The following SLC39A11 variants were observed in gnomAD, a reference collection of about 807,000 sequenced individuals.
SLC39A11 encodes solute carrier family 39 member 11.
In SLC39A11, 33 loss-of-function variants were observed where a neutral mutation model predicts 36.1. The observed-to-expected ratio is 0.91, with a 90% CI of 0.69 to 1.22. The LOEUF is 1.22. SLC39A11 is among the 50% of genes most tolerant of loss of function. SLC39A11 has a pLI of 0.00. For synonymous variants in SLC39A11, 166 were observed against 170.3 expected, an observed-to-expected ratio of 0.97 and a Z score of 0.20; for missense variants, 432 against 430.3, an observed-to-expected ratio of 1.00 and a Z score of -0.03.
At chr17:73,039,268 A>G (rs1229676564) in intron 3 of SLC39A11, among the ~76,000 whole-genome samples, 2 of 152,128 alleles carry the variant, frequency 1.3e-5, no homozygotes. Context: ...TGCCTTCTGC[A>G]GACATCCTCT....
chr17:72,837,546 C>T (rs2078615305), intron 6 of SLC39A11, among the ~76,000 whole-genome samples: 8 of 152,054 alleles, frequency 5.3e-5, no homozygotes, highest in Admixed American at 5.2e-4. Flanking sequence ...AATTCTACTC[C>T]AAGGTATGTA....
At chr17:72,693,079 T>C (rs1177152666) in intron 7 of SLC39A11, among the ~76,000 whole-genome samples, 1 of 152,202 alleles carries the variant, frequency 6.6e-6, no homozygotes, top group African/African-American at 2.4e-5. Context: ...TCTGGATCAA[T>C]TTGAAATTAG....
At chr17:73,033,558 C>T (rs2058807908) in intron 3 of SLC39A11, among the ~76,000 whole-genome samples, 2 of 152,134 alleles carry the variant, frequency 1.3e-5, no homozygotes, top group South Asian at 4.1e-4. Flanking sequence ...GCCTGGGCAA[C>T]ATAGCGAGAC....
At chr17:72,858,518 A>C (rs80268970) in intron 5 of SLC39A11, among the ~76,000 whole-genome samples, 1 of 152,216 alleles carries the variant, frequency 6.6e-6, no homozygotes, top group East Asian at 1.9e-4. Flanking sequence ...GAAGAATGTC[A>C]TTGGTAGTTT....
intron 5 of SLC39A11, among the ~76,000 whole-genome samples, chr17:72,909,807 G>A (rs1299143221): frequency 6.6e-5 from 10 of 150,844 alleles, no homozygotes; most frequent in South Asian, 2.1e-4. Flanking sequence ...GTGCAGTGGC[G>A]TGATCTCGGC....
At chr17:72,726,079 G>A (rs1432619783) in intron 7 of SLC39A11, among the ~76,000 whole-genome samples, 2 of 152,198 alleles carry the variant, frequency 1.3e-5, no homozygotes, top group Non-Finnish European at 2.9e-5. Flanking sequence ...GACCCAAGTT[G>A]CTAGGCAGGG....
intron 5 of SLC39A11, among the ~76,000 whole-genome samples, chr17:72,862,120 T>A (rs2080072037): frequency 6.6e-6 from 1 of 152,180 alleles, no homozygotes; most frequent in Non-Finnish European, 1.5e-5. Context: ...GGCCATTGCC[T>A]TTTCAAAAGA....
At position 72,852,814 on chromosome 17, in the gene SLC39A11, C is replaced by T. The variant is rs367671503; in HGVS notation, c.431-3010G>A. Among the ~76,000 whole-genome samples the T allele has an allele frequency of 1.6e-4, 24 of 152,266 alleles. 1 individual carries two copies. The highest frequency in any genetic ancestry group is 5.8e-4 in the African/African-American group (24 of 41,540). On this transcript the variant is annotated intron_variant, in intron 5 of 9. Transcript: ENST00000255559. ...ATTTCAAGCTCACAAATGCTAAAGA[C>T]ATAAGCAAAGCAGTCCCTGAGAGCT...
In SLC39A11 at chr17:73,084,674, A is replaced by T. The variant is rs9915800; in HGVS notation, c.147+134T>A. On this transcript the variant is annotated intron_variant, in intron 3 of 9. Coordinates refer to ENST00000255559, the MANE Select transcript of SLC39A11 (RefSeq NM_139177.4). Reference sequence around the variant, plus strand: ...GGAAATAAATATGGCAGGTGATAAGAGGGAGGTGTTAGTGCCTGAGGAACA... The same window carrying T: ...GGAAATAAATATGGCAGGTGATAAGTGGGAGGTGTTAGTGCCTGAGGAACA... 4.2e-3 allele frequency: 3,216 copies of T among 769,804 alleles called. 57 individuals are homozygous for T. The highest frequency in any genetic ancestry group is 0.04 in the African/African-American group (2,303 of 57,622). The allele number at this position is 769,804 out of a possible 1,614,324, so 47.7% of individuals were successfully genotyped here. A position where few individuals can be genotyped will look rare whatever the true frequency, so the allele number is the denominator to read the frequency against.
At chr17:72,863,893 T>C (rs1312527721) in intron 5 of SLC39A11, among the ~76,000 whole-genome samples, 1 of 152,242 alleles carries the variant, frequency 6.6e-6, no homozygotes, top group East Asian at 1.9e-4. Context: ...CCCCTTTCCA[T>C]TCACGTCACC....
intron 5 of SLC39A11, among the ~76,000 whole-genome samples, chr17:72,932,327 T>C (rs1182223367): frequency 6.6e-6 from 1 of 151,946 alleles, no homozygotes; most frequent in Non-Finnish European, 1.5e-5. Flanking sequence ...AAGTTCTGGG[T>C]TACATGTGCA....
At chr17:72,910,593 C>T (rs1489782253) in intron 5 of SLC39A11, among the ~76,000 whole-genome samples, 2 of 140,554 alleles carry the variant, frequency 1.4e-5, no homozygotes, top group Non-Finnish European at 3.0e-5. Context: ...CACTGCACCC[C>T]ATCCTGGGCA....
At chr17:72,871,713 G>C (rs764150867) in intron 5 of SLC39A11, among the ~76,000 whole-genome samples, 4 of 152,174 alleles carry the variant, frequency 2.6e-5, no homozygotes, top group Non-Finnish European at 5.9e-5. Flanking sequence ...CTACCTGGCT[G>C]TTCCTGAGTT....
At chr17:72,868,941 C>T (rs149390778) in intron 5 of SLC39A11, among the ~76,000 whole-genome samples, 241 of 152,290 alleles carry the variant, frequency 1.6e-3, no homozygotes, top group Middle Eastern at 6.8e-3. Flanking sequence ...GCCTAGAGTA[C>T]ACACTTTGCA....
At chr17:72,850,793 T>G (rs1381264579) in intron 5 of SLC39A11, among the ~76,000 whole-genome samples, 1 of 152,180 alleles carries the variant, frequency 6.6e-6, no homozygotes, top group African/African-American at 2.4e-5. Context: ...ATGTACTAAG[T>G]GCTGATTGTA....
intron 7 of SLC39A11, among the ~76,000 whole-genome samples, chr17:72,682,147 C>T (rs577069926): frequency 1.4e-5 from 2 of 146,164 alleles, no homozygotes; most frequent in Non-Finnish European, 2.9e-5. Context: ...CCCCCATCAC[C>T]CCTAGATGGG....
chr17:72,914,949 T>C (rs2083249962), intron 5 of SLC39A11, among the ~76,000 whole-genome samples: 1 of 150,878 alleles, frequency 6.6e-6, no homozygotes, highest in Admixed American at 6.6e-5. Flanking sequence ...TTTTTGCCAA[T>C]CAAGTCATTC....
chr17:72,977,588 G>A (rs1188551676), intron 4 of SLC39A11, among the ~76,000 whole-genome samples: 2 of 152,122 alleles, frequency 1.3e-5, no homozygotes, highest in South Asian at 4.1e-4. Flanking sequence ...CCAGGGACAA[G>A]TTTAGATGAA....
chr17:73,053,173 G>A (rs569170228), intron 3 of SLC39A11, among the ~76,000 whole-genome samples: 3 of 152,024 alleles, frequency 2.0e-5, no homozygotes, highest in South Asian at 2.1e-4. Flanking sequence ...GCAACAGAGC[G>A]CGACCCCATC....
Sources: gnomAD v4.1 joint callset for allele counts (sites outside exome capture counted in the v4.1 genomes callset) on GRCh38, gnomAD v4.1.1 for gene constraint, MANE v1.5 for transcripts, NCBI Gene and HGNC (gene_info 2026-07-23, HGNC 2026-07-21) for gene names.